Variants in SRMS observed in about 807,000 individuals in gnomAD.
SRMS encodes the protein tyrosine-protein kinase Srms.
SRMS carries 42 observed loss-of-function variants against 43.5 expected under a neutral mutation model. That is an observed-to-expected ratio of 0.97 (90% confidence interval 0.75 to 1.25). The LOEUF is 1.25. SRMS is among the 50% of genes most tolerant of loss of function. The probability of loss-of-function intolerance (pLI) is 0.00; values close to 1 mark genes in which losing one functional copy is unlikely to be tolerated. For synonymous variants in SRMS, 316 were observed against 308.2 expected, an observed-to-expected ratio of 1.03 and a Z score of -0.27; for missense variants, 703 against 681.0, an observed-to-expected ratio of 1.03 and a Z score of -0.36.
chr20:63,547,242 G>A lies in SRMS; in HGVS notation c.222C>T (p.Arg74=), dbSNP rs780031609. Residue 74 remains arginine, a synonymous_variant, in exon 1 of 8, where the codon CGC becomes CGT. Transcript: ENST00000217188. ...ARCGGELSVR[R]GDRLCALEEG... ...CTTCGAGGGCACAGAGCCTGTCCCC[G>A]CGGCGGACACTCAGCTCCCCGCCAC... is the stretch of plus-strand genomic sequence containing the variant. The A allele has an allele frequency of 2.0e-5, 33 of 1,610,530 alleles. No homozygotes were observed. Among genetic ancestry groups the A allele is most frequent in the East Asian group, 4.5e-5 (2 of 44,730 alleles).
Position 63,539,562 on chromosome 20 carries a change from G to C in SRMS, c.*1256C>G, listed in dbSNP as rs939281306. Among the ~76,000 whole-genome samples, 1 of 152,184 alleles carries C rather than the reference G, an allele frequency of 6.6e-6. No individual in the cohort carries two copies. Among genetic ancestry groups the C allele is most frequent in the Non-Finnish European group, 1.5e-5 (1 of 68,026 alleles). ...TGCCAACCTGGGCTCCCAGGAGGGTGGGGGGCAGGGTCTCCGGGGGCCACA... is the reference window on the plus strand; with the variant it reads ...TGCCAACCTGGGCTCCCAGGAGGGTCGGGGGCAGGGTCTCCGGGGGCCACA... On this transcript the variant is annotated 3_prime_UTR_variant, in exon 8 of 8. Coordinates refer to ENST00000217188, the MANE Select transcript of SRMS (RefSeq NM_080823.4).
chr20:63,544,440 G>A lies in SRMS; in HGVS notation c.357-92C>T, dbSNP rs2082720513. On this transcript the variant is annotated intron_variant, in intron 1 of 7. Transcript: ENST00000217188. ...CGTGTTGCCGGCAGGGCTGAGCCCG[G>A]CTGTCCCACCGCCTCAGGGAGAAGG... is the stretch of plus-strand genomic sequence containing the variant. 5.9e-6 allele frequency: 8 copies of A among 1,367,340 alleles called. 1 individual carries two copies. The highest frequency in any genetic ancestry group is 7.5e-6 in the Non-Finnish European group (8 of 1,061,286). The allele number at this position is 1,367,340 out of a possible 1,614,324, so 84.7% of individuals were successfully genotyped here.
chr20:63,541,958 C>T (rs1329285949), intron 5 of SRMS, among the ~76,000 whole-genome samples: 1 of 152,226 alleles, frequency 6.6e-6, no homozygotes, highest in African/African-American at 2.4e-5. Flanking sequence ...GCCCCGGAGC[C>T]ACAAGGCTCT....
rs1361962678 is a variant in SRMS, at chr20:63,541,521, C to A, written c.1046G>T (p.Arg349Leu). 6.2e-7 allele frequency: 1 copy of A among 1,602,790 alleles called. No homozygotes were observed. Among genetic ancestry groups the A allele is most frequent in the South Asian group, 1.1e-5 (1 of 90,200 alleles). ...SYLEEQRVVH[R>L]DLAARNVLVD... The stretch of plus-strand genomic sequence containing the variant: ...GAGCACGTTCCGGGCGGCCAAGTCC[C>A]GGTGCACAACGCGCTGCTCCTCCAG... The change falls in exon 6 of 8, where the codon CGG (arginine) becomes CTG (leucine). Residue 349 changes from arginine to leucine, a missense_variant. Physicochemically the swap from Arg to Leu is moderately radical, Grantham distance 102. Transcript: ENST00000217188.
At chr20:63,546,283 C>T (rs745517111) in intron 1 of SRMS, among the ~76,000 whole-genome samples, 5 of 147,364 alleles carry the variant, frequency 3.4e-5, no homozygotes, top group Non-Finnish European at 7.5e-5. Flanking sequence ...ACTCCGGCTT[C>T]ACCCGCCCAT....
In SRMS at chr20:63,541,429, C is replaced by T. The variant is rs768513374; in HGVS notation, c.1128+10G>A. On this transcript the variant is annotated intron_variant, in intron 6 of 7. Coordinates refer to ENST00000217188, the MANE Select transcript of SRMS (RefSeq NM_080823.4). ...CCCCTCTGGGTCAGGGGCCCAGAGC[C>T]TCCGCTGACCTTGAGCAGCCGGGCC... 1.6e-5 allele frequency: 26 copies of T among 1,592,634 alleles called. No homozygotes were observed. Among genetic ancestry groups the T allele is most frequent in the East Asian group, 2.2e-5 (1 of 44,652 alleles).
chr20:63,541,454 C>A lies in SRMS; in HGVS notation c.1113G>T (p.Leu371=). ...CTCCGCTGACCTTGAGCAGCCGGGCCAGGCCGAAGTCAGCCACCTTGCAGG... is the reference window on the plus strand; with the variant it reads ...CTCCGCTGACCTTGAGCAGCCGGGCAAGGCCGAAGTCAGCCACCTTGCAGG... ...GLACKVADFG[L]ARLLKDDIYS... The change falls in exon 6 of 8, where the codon CTG becomes CTT. Residue 371 remains leucine, a synonymous_variant. Transcript: ENST00000217188. 1 of 1,604,848 alleles carries A rather than the reference C, an allele frequency of 6.2e-7. No homozygotes were observed. The highest frequency in any genetic ancestry group is 8.5e-7 in the Non-Finnish European group (1 of 1,178,462).
At chr20:63,542,689 C>T in intron 3 of SRMS, 108 bp from the exon 4 acceptor site, 1 of 1,333,196 alleles carries the variant, frequency 7.5e-7, no homozygotes, top group East Asian at 2.6e-5. Context: ...CCCCAGCACA[C>T]ACTCACCCCA....
intron 2 of SRMS, 91 bp from the exon 3 acceptor site, chr20:63,543,571 G>T: frequency 6.8e-7 from 1 of 1,476,696 alleles, no homozygotes; most frequent in Non-Finnish European, 9.2e-7. Flanking sequence ...AACCCACTAA[G>T]GGGTCTGGCT....
chr20:63,542,113 G>T lies in SRMS; in HGVS notation c.946+50C>A, dbSNP rs778803579. On this transcript the variant is annotated intron_variant, in intron 5 of 7. Coordinates refer to ENST00000217188, the MANE Select transcript of SRMS (RefSeq NM_080823.4). Reference sequence around the variant, plus strand: ...GTTCAGCTCTGCGCCAGGAGGGAAGGGGCGGTCGCAGGCGCGTCAGGGCCA... The same window carrying T: ...GTTCAGCTCTGCGCCAGGAGGGAAGTGGCGGTCGCAGGCGCGTCAGGGCCA... 5 of 1,573,732 alleles carry T rather than the reference G, an allele frequency of 3.2e-6. No individual in the cohort carries two copies. The Admixed American group carries it at 8.7e-5, about 27-fold the overall frequency.
rs1256572062 is a variant in SRMS at position 63,542,152 on chromosome 20, A to C, written c.946+11T>G. On this transcript the variant is annotated intron_variant, in intron 5 of 7. Coordinates refer to ENST00000217188, the MANE Select transcript of SRMS (RefSeq NM_080823.4). The stretch of plus-strand genomic sequence containing the variant: ...GCGTCAGGGCCACGTGGCAGCAGGG[A>C]GGGGACTCACTGCCCAGGAAGGCCT... The C allele has an allele frequency of 2.5e-6, 4 of 1,602,940 alleles. No homozygotes were observed. The African/African-American group carries it at 5.4e-5, about 21-fold the overall frequency.
At chr20:63,541,056 G>A (rs1333776430) in intron 7 of SRMS, 57 bp from the exon 8 acceptor site, 15 of 1,598,304 alleles carry the variant, frequency 9.4e-6, no homozygotes, top group African/African-American at 6.7e-5. Flanking sequence ...CTATGGAGGA[G>A]GCCTCCTGTA....
At chr20:63,547,004 C>T in intron 1 of SRMS, 104 bp downstream of exon 1, 1 of 1,070,516 alleles carries the variant, frequency 9.3e-7, no homozygotes, top group Non-Finnish European at 1.3e-6. Flanking sequence ...AATGAATGAA[C>T]AGATAGCCAC....
At chr20:63,541,102 C>T (rs897480642) in intron 7 of SRMS, 89 bp downstream of exon 7, 1 of 1,569,250 alleles carries the variant, frequency 6.4e-7, no homozygotes, top group Non-Finnish European at 8.6e-7. Flanking sequence ...TGGCCAGACC[C>T]TCCAACCCCT....
chr20:63,540,767 G>T lies in SRMS; in HGVS notation c.*51C>A. On this transcript the variant is annotated 3_prime_UTR_variant, in exon 8 of 8. Transcript: ENST00000217188. The stretch of plus-strand genomic sequence containing the variant: ...ATCCCTTCGAGTTGGCGCTCTGCAG[G>T]GAGGAGGGGCTGGCCTGGCTGGAGC... 6.5e-7 allele frequency: 1 copy of T among 1,540,534 alleles called. No homozygotes were observed. The highest frequency in any genetic ancestry group is 8.7e-7 in the Non-Finnish European group (1 of 1,146,090).
In SRMS at chr20:63,547,447, C is replaced by T; in HGVS notation, c.17G>A (p.Arg6Lys). The change falls in exon 1 of 8, where the codon AGG (arginine) becomes AAG (lysine). Residue 6 changes from arginine to lysine, a missense_variant. Transcript: ENST00000217188. MEPFLRRRLAFLSFFW... is the reference protein window; with the variant it reads MEPFLKRRLAFLSFFW... ...GAAGGACAGGAAGGCCAGCCGCCTC[C>T]TGAGGAACGGCTCCATCCCCCGGGG... The T allele has an allele frequency of 1.3e-6, 2 of 1,517,442 alleles. No homozygotes were observed. The highest frequency in any genetic ancestry group is 1.8e-6 in the Non-Finnish European group (2 of 1,130,064). The allele number at this position is 1,517,442 out of a possible 1,614,324, so 94.0% of individuals were successfully genotyped here.
At position 63,540,948 on chromosome 20, in the gene SRMS, G is replaced by T; in HGVS notation, c.1337C>A (p.Pro446Gln). 1 of 1,607,640 alleles carries T rather than the reference G, an allele frequency of 6.2e-7. No individual in the cohort carries two copies. ...LQQIMRGYRL[P>Q]RPAACPAEVY... ...CTCCGCCGGGCAGGCAGCCGGGCGC[G>T]GCAGCCGGTACCCTCGCATGATCTG... Residue 446 changes from proline to glutamine, a missense_variant, in exon 8 of 8, where the codon CCG becomes CAG. Coordinates refer to ENST00000217188, the MANE Select transcript of SRMS (RefSeq NM_080823.4).
Position 63,544,240 on chromosome 20 carries a change from G to GC in SRMS, c.464dup (p.Tyr156LeufsTer21). 2 of 1,461,500 alleles carry GC rather than the reference G, an allele frequency of 1.4e-6. No homozygotes were observed. Among genetic ancestry groups the GC allele is most frequent in the African/African-American group, 1.5e-5 (1 of 67,874 alleles). 90.5% of individuals were successfully genotyped at this position (1,461,500 alleles called of 1,614,324 possible). On this transcript the variant is annotated frameshift_variant, in exon 2 of 8. Coordinates refer to ENST00000217188, the MANE Select transcript of SRMS (RefSeq NM_080823.4). LOFTEE classifies it high-confidence loss of function. ...CGCCCCAGGTACCTGACAGTGAGTA[G>GC]CCCCCGAGGCTGCTCTCGCTGGGCC... is the stretch of plus-strand genomic sequence containing the variant.
At chr20:63,542,114 G>T in intron 5 of SRMS, 49 bp downstream of exon 5, 1 of 1,574,184 alleles carries the variant, frequency 6.4e-7, no homozygotes, top group South Asian at 1.1e-5. Context: ...GGAGGGAAGG[G>T]GCGGTCGCAG....
Sources: gnomAD v4.1 joint callset for allele counts (sites outside exome capture counted in the v4.1 genomes callset) on GRCh38, gnomAD v4.1.1 for gene constraint, MANE v1.5 for transcripts, NCBI Gene and HGNC (gene_info 2026-07-23, HGNC 2026-07-21) for gene names.